Variants in MACF1 observed in about 807,000 individuals in gnomAD.
MACF1 encodes the protein microtubule-actin cross-linking factor 1.
Under a neutral mutation model 854.8 loss-of-function variants are expected in MACF1, and 193 were observed. The observed-to-expected ratio is 0.23, with a 90% CI of 0.20 to 0.25. The LOEUF (loss-of-function observed/expected upper bound fraction) is 0.25. MACF1 is among the 10% of genes least tolerant of loss of function. The pLI is 1.00. For synonymous variants in MACF1, 3,185 were observed against 3,226.7 expected (o/e 0.99, Z 0.44); for missense variants, 7,722 against 8,929.1 (o/e 0.86, Z 5.45).
rs550576441 is a variant in MACF1 at position 39,440,244 on chromosome 1, C to G, written c.18447+744C>G. ...CCAGCCACCTCAGCTTCCCTAGTAGCTGGGTCATATGCCACCATGCCTGGC... is the reference window on the plus strand; with the variant it reads ...CCAGCCACCTCAGCTTCCCTAGTAGGTGGGTCATATGCCACCATGCCTGGC... On this transcript the variant is annotated intron_variant, in intron 72 of 100. Transcript: ENST00000564288. Among the ~76,000 whole-genome samples the G allele has an allele frequency of 1.0e-3, 153 of 150,056 alleles. 1 individual carries two copies. The highest frequency in any genetic ancestry group is 3.7e-3 in the African/African-American group (150 of 40,760).
intron 2 of MACF1, among the ~76,000 whole-genome samples, chr1:39,233,908 C>T (rs1413186068): frequency 7.0e-6 from 1 of 143,114 alleles, no homozygotes; most frequent in Admixed American, 7.2e-5. Flanking sequence ...ACAAAGGTCT[C>T]TGGTTTTCCT....
intron 88 of MACF1, 98 bp downstream of exon 88, chr1:39,453,948 C>T: frequency 7.3e-7 from 1 of 1,374,296 alleles, no homozygotes; most frequent in Non-Finnish European, 9.9e-7. Context: ...CTTTCACTCA[C>T]TGTGAATAAC....
In MACF1 at chr1:39,327,280, A is replaced by C. The variant is rs1305620884; in HGVS notation, c.4541A>C (p.His1514Pro). 1 of 1,608,382 alleles carries C rather than the reference A, an allele frequency of 6.2e-7. No individual in the cohort carries two copies. Among genetic ancestry groups the C allele is most frequent in the Non-Finnish European group, 8.5e-7 (1 of 1,175,404 alleles). The part of the protein sequence containing the change: ...EQLNALNKAY[H>P]DLCDGSANQL... ...TTGAATGCCCTAAACAAGGCTTACC[A>C]TGACCTTTGTGATGGTTCTGCAAAT... Residue 1514 changes from histidine (H) to proline (P), a missense_variant, in exon 36 of 101, where the codon CAT (histidine) becomes CCT (proline). By Grantham distance (77) the His-to-Pro change is moderately conservative. This residue lies in a region of MACF1 where 1,531 missense variants were observed against 1,601.6 expected (regional missense o/e 0.96). Coordinates refer to ENST00000564288, the MANE Select transcript of MACF1 (RefSeq NM_001394062.1).
intron 58 of MACF1, 21 bp downstream of exon 58, chr1:39,388,679 T>A (rs758778172): frequency 2.0e-5 from 31 of 1,516,976 alleles, no homozygotes; most frequent in Non-Finnish European, 2.5e-5. Flanking sequence ...ACCTTGTTTT[T>A]CTTTTTCTTT....
At chr1:39,116,954 G>A (rs1642563206) in intron 2 of MACF1, among the ~76,000 whole-genome samples, 1 of 152,188 alleles carries the variant, frequency 6.6e-6, no homozygotes, top group Non-Finnish European at 1.5e-5. Context: ...TGCTTTCCAT[G>A]AAGGTTATGT....
intron 2 of MACF1, among the ~76,000 whole-genome samples, chr1:39,116,050 A>G (rs1642535496): frequency 6.6e-6 from 1 of 152,168 alleles, no homozygotes; most frequent in African/African-American, 2.4e-5. Context: ...AAGACAGGTG[A>G]AGAAGGGTGG....
chr1:39,482,817 C>A (rs1258905148), intron 99 of MACF1, among the ~76,000 whole-genome samples: 2 of 60,790 alleles, frequency 3.3e-5, no homozygotes, highest in East Asian at 6.3e-4. Context: ...AAAAAAAAAC[C>A]CCACACAGAT....
chr1:39,195,792 CATTT>C (rs1644311711), intron 2 of MACF1, among the ~76,000 whole-genome samples: 1 of 152,136 alleles, frequency 6.6e-6, no homozygotes, highest in African/African-American at 2.4e-5. Flanking sequence ...TATAAATAAA[CATTT>C]ATTAAGCATT....
At chr1:39,314,447 A>G (rs575298635) in intron 26 of MACF1, among the ~76,000 whole-genome samples, 2 of 152,230 alleles carry the variant, frequency 1.3e-5, no homozygotes, top group African/African-American at 4.8e-5. Flanking sequence ...ACAAATATAT[A>G]TATGCATACA....
chr1:39,418,017 A>C, intron 58 of MACF1, among the ~76,000 whole-genome samples: 1 of 152,294 alleles, frequency 6.6e-6, no homozygotes, highest in Middle Eastern at 3.4e-3. Flanking sequence ...AAATAAATAT[A>C]AAATAAATAC....
At chr1:39,127,350 T>G (rs1470704353) in intron 2 of MACF1, among the ~76,000 whole-genome samples, 1 of 152,244 alleles carries the variant, frequency 6.6e-6, no homozygotes, top group Non-Finnish European at 1.5e-5. Context: ...CTGGGCTGAA[T>G]GATTTAATAA....
At chr1:39,337,839 G>T (rs1411221861) in intron 38 of MACF1, among the ~76,000 whole-genome samples, 1 of 150,740 alleles carries the variant, frequency 6.6e-6, no homozygotes, top group Non-Finnish European at 1.5e-5. Context: ...GCGTGATCTC[G>T]GCTCACTGCA....
chr1:39,117,152 G>C (rs1433753773), intron 2 of MACF1, among the ~76,000 whole-genome samples: 1 of 152,118 alleles, frequency 6.6e-6, no homozygotes, highest in Non-Finnish European at 1.5e-5. Context: ...CCACCTTTCA[G>C]ATGTGATAGT....
At position 39,292,781 on chromosome 1, in the gene MACF1, A is replaced by G; in HGVS notation, c.1930A>G (p.Asn644Asp). The change falls in exon 17 of 101, where the codon AAT (asparagine) becomes GAT (aspartate). Residue 644 changes from asparagine (N) to aspartate (D), a missense_variant. By Grantham distance (23) the Asn-to-Asp change is conservative (BLOSUM62 1). Coordinates refer to ENST00000564288, the MANE Select transcript of MACF1 (RefSeq NM_001394062.1). ...ARLYEGKMSQ[N>D]FHTSYAETLG... ...TTTTAATCAGGGAAAGATGTCCCAG[A>G]ATTTCCATACCAGCTATGCTGAAAC... is the stretch of plus-strand genomic sequence containing the variant. The G allele has an allele frequency of 6.2e-7, 1 of 1,611,634 alleles. No homozygotes were observed. The highest frequency in any genetic ancestry group is 8.5e-7 in the Non-Finnish European group (1 of 1,178,930).
chr1:39,452,138 T>TC lies in MACF1; in HGVS notation c.20419-16dup, dbSNP rs748798430. On this transcript the variant is annotated splice_polypyrimidine_tract_variant and intron_variant, in intron 85 of 100. Coordinates refer to ENST00000564288, the MANE Select transcript of MACF1 (RefSeq NM_001394062.1). ...AAACATTCCTTGAACAAACAAATTC[T>TC]CCTATTTTCTTTTCTAGGTTTTCCA... 1.3e-6 allele frequency: 2 copies of TC among 1,570,218 alleles called. No individual in the cohort carries two copies. Among genetic ancestry groups the TC allele is most frequent in the Non-Finnish European group, 1.7e-6 (2 of 1,158,382 alleles).
intron 23 of MACF1, among the ~76,000 whole-genome samples, chr1:39,307,943 C>T (rs1280795866): frequency 2.5e-5 from 3 of 118,086 alleles, no homozygotes; most frequent in Non-Finnish European, 4.9e-5. Flanking sequence ...CTCGCCGTGT[C>T]GCCCAGGCTA....
Position 39,302,968 on chromosome 1 carries a change from T to G in MACF1, c.2679T>G (p.Ser893=), listed in dbSNP as rs374974130. The G allele has an allele frequency of 5.6e-6, 9 of 1,614,196 alleles. No homozygotes were observed. Among genetic ancestry groups the G allele is most frequent in the Non-Finnish European group, 6.8e-6 (8 of 1,180,022 alleles). The part of the protein sequence containing the change: ...KNDECVLEDN[S]QRTKWKVISP... ...ATGAATGTGTGCTAGAAGATAATTC[T>G]CAGCGGACCAAATGGAAAGTGATCA... Residue 893 remains serine (S), a synonymous_variant, in exon 23 of 101, where the codon TCT becomes TCG. Transcript: ENST00000564288.
At position 39,324,318 on chromosome 1, in the gene MACF1, C is replaced by T. The variant is rs142403927; in HGVS notation, c.4362C>T (p.Asp1454=). The T allele has an allele frequency of 7.2e-5, 116 of 1,613,596 alleles. No individual in the cohort carries two copies. The highest frequency in any genetic ancestry group is 9.4e-5 in the Non-Finnish European group (111 of 1,179,848). The change falls in exon 34 of 101, where the codon GAC becomes GAT. Residue 1454 remains aspartate (D), a synonymous_variant. Transcript: ENST00000564288. Reference sequence around the variant, plus strand: ...CATCCGAGACCAAAGAATCAACAGACATTGAAAAAGCTATTTTGGAACAGC... The same window carrying T: ...CATCCGAGACCAAAGAATCAACAGATATTGAAAAAGCTATTTTGGAACAGC... ...ATSSETKEST[D]IEKAILEQQV...
rs1295261741 is a variant in MACF1, at chr1:39,444,774, A to G, written c.19544A>G (p.Gln6515Arg). The stretch of plus-strand genomic sequence containing the variant: ...TCTGGGTCTGGCTCCAAGACAGAAC[A>G]GAGTGTAGCACTTTTGGAGCAGAAG... ...DDSGSGSKTE[Q>R]SVALLEQKWH... Residue 6515 changes from glutamine to arginine, a missense_variant, in exon 80 of 101, where the codon CAG (glutamine) becomes CGG (arginine). By Grantham distance (43) the Gln-to-Arg change is conservative (BLOSUM62 1). This residue lies in a region of MACF1 where 729 missense variants were observed against 900.5 expected (regional missense o/e 0.81). Coordinates refer to ENST00000564288, the MANE Select transcript of MACF1 (RefSeq NM_001394062.1). The G allele has an allele frequency of 1.2e-5, 19 of 1,614,078 alleles. No homozygotes were observed. The highest frequency in any genetic ancestry group is 1.6e-5 in the Non-Finnish European group (19 of 1,179,896).
Sources: allele counts gnomAD v4.1 joint callset (sites outside exome capture counted in the v4.1 genomes callset), GRCh38; gene constraint gnomAD v4.1.1; regional missense constraint gnomAD v4.1.1; transcripts MANE v1.5; gene names NCBI Gene and HGNC (gene_info 2026-07-23, HGNC 2026-07-21).